Variants in SLC6A8 observed in about 807,000 individuals in gnomAD.
SLC6A8 encodes the protein solute carrier family 6 member 8.
In SLC6A8, 6 loss-of-function variants were observed where a neutral mutation model predicts 48.3. The ratio of observed to expected loss-of-function variants is 0.12; its 90% CI spans 0.07 to 0.25. The LOEUF (loss-of-function observed/expected upper bound fraction) is 0.25, where lower values mean the gene tolerates loss of function less well. Ranked by LOEUF, SLC6A8 falls within the 10% of genes least tolerant of loss-of-function variation. The pLI, the probability that SLC6A8 is intolerant of heterozygous loss-of-function variation, is 1.00. For missense variants in SLC6A8, 260 were observed against 551.5 expected (o/e 0.47, Z 5.29); for synonymous variants, 245 against 244.0 (o/e 1.00, Z -0.04).
chrX:153,696,340 C>A lies in SLC6A8; in HGVS notation c.*1126C>A, dbSNP rs1464187287. The A allele has an allele frequency of 7.3e-5, 24 of 329,416 alleles. No homozygotes were observed. The highest frequency in any genetic ancestry group is 1.2e-4 in the Non-Finnish European group (21 of 169,291). 27.1% of individuals were successfully genotyped at this position (329,416 alleles called of 1,213,427 possible). ...CACCCCCAGGAAGGGACCCTGGACACGGCTCCCACGTCCAGGCTTAAGGTG... is the reference window on the plus strand; with the variant it reads ...CACCCCCAGGAAGGGACCCTGGACAAGGCTCCCACGTCCAGGCTTAAGGTG... On this transcript the variant is annotated 3_prime_UTR_variant, in exon 13 of 13. Coordinates refer to ENST00000253122, the MANE Select transcript of SLC6A8 (RefSeq NM_005629.4).
chrX:153,691,738 G>A (rs2314066), intron 3 of SLC6A8, among the ~76,000 whole-genome samples, 185 bp downstream of exon 3: 5 of 112,957 alleles, frequency 4.4e-5, no homozygotes, highest in South Asian at 3.6e-4. Flanking sequence ...TTCGGCAGCC[G>A]ATCACTGTCC....
chrX:153,690,430 C>A lies in SLC6A8; in HGVS notation c.318C>A (p.Phe106Leu). 1 of 1,197,237 alleles carries A rather than the reference C, an allele frequency of 8.4e-7. No individual in the cohort carries two copies. ...LIALVGGIPIFFLEISLGQFM... is the reference protein window; with the variant it reads ...LIALVGGIPILFLEISLGQFM... Reference sequence around the variant, plus strand: ...CCCTGGTTGGAGGAATCCCCATTTTCTTCTTAGAGATCTCGCTGGGCCAGT... The same window carrying A: ...CCCTGGTTGGAGGAATCCCCATTTTATTCTTAGAGATCTCGCTGGGCCAGT... Residue 106 changes from phenylalanine (F) to leucine (L), a missense_variant, in exon 2 of 13, where the codon TTC becomes TTA. Physicochemically the swap from Phe to Leu is conservative, Grantham distance 22. This residue lies in a region of SLC6A8 where 24 missense variants were observed against 52.0 expected (regional missense o/e 0.46). Transcript: ENST00000253122.
At position 153,691,543 on chromosome X, in the gene SLC6A8, G is replaced by C; in HGVS notation, c.634G>C (p.Glu212Gln). The C allele has an allele frequency of 8.3e-7, 1 of 1,211,561 alleles. No individual in the cohort carries two copies. Among genetic ancestry groups the C allele is most frequent in the Admixed American group, 2.2e-5 (1 of 46,164 alleles). ...QLADRRSPVI[E>Q]FWENKVLRLS... ...TGCTGACCGCCGGTCCCCTGTCATC[G>C]AGTTCTGGGAGTGAGTCCGGCACCT... The change falls in exon 3 of 13, where the codon GAG becomes CAG. Residue 212 changes from glutamate to glutamine, a missense_variant. Around this residue, in one of 7 missense-constraint regions of SLC6A8, gnomAD observed 75 missense variants for 248.8 expected, o/e 0.30. Transcript: ENST00000253122.
In SLC6A8 at chrX:153,696,256, G is replaced by A. The variant is rs367889260; in HGVS notation, c.*1042G>A. 3.7e-4 allele frequency: 109 copies of A among 292,379 alleles called. No homozygotes were observed. The highest frequency in any genetic ancestry group is 2.9e-3 in the East Asian group (28 of 9,816). The allele number at this position is 292,379 out of a possible 1,213,427, so 24.1% of individuals were successfully genotyped here. ...GTGGGGCAAGAGGCTGCAATATTCC[G>A]TCCTGGGTGTCTGGGCTGCTAACCT... On this transcript the variant is annotated 3_prime_UTR_variant, in exon 13 of 13. Transcript: ENST00000253122.
At position 153,695,193 on chromosome X, in the gene SLC6A8, C is replaced by G. The variant is rs1485660118; in HGVS notation, c.1887C>G (p.Val629=). ...CAGTGTCCGAGAGCAGCAAGGTCGT[C>G]GTGGTGGAGAGTGTCATGTGACAAC... is the stretch of plus-strand genomic sequence containing the variant. ...LTPVSESSKV[V]VVESVM Residue 629 remains valine (V), a synonymous_variant, in exon 13 of 13, where the codon GTC becomes GTG. Transcript: ENST00000253122. 1 of 1,185,247 alleles carries G rather than the reference C, an allele frequency of 8.4e-7. No homozygotes were observed. Among genetic ancestry groups the G allele is most frequent in the Non-Finnish European group, 1.1e-6 (1 of 882,121 alleles).
In SLC6A8 at chrX:153,696,116, T is replaced by C. The variant is rs2091490260; in HGVS notation, c.*902T>C. The C allele has an allele frequency of 4.9e-6, 1 of 204,600 alleles. No individual in the cohort carries two copies. Among genetic ancestry groups the C allele is most frequent in the African/African-American group, 3.0e-5 (1 of 33,656 alleles). The allele number at this position is 204,600 out of a possible 1,213,427, so 16.9% of individuals were successfully genotyped here. ...AAAACAAAAGCTTCGAGCTGTTGCG[T>C]GTGTGAGTCTGTTGTGTGGATGTGC... On this transcript the variant is annotated 3_prime_UTR_variant, in exon 13 of 13. Coordinates refer to ENST00000253122, the MANE Select transcript of SLC6A8 (RefSeq NM_005629.4).
chrX:153,688,703 C>T lies in SLC6A8; in HGVS notation c.129C>T (p.Pro43=), dbSNP rs782267694. 8.9e-7 allele frequency: 1 copy of T among 1,125,387 alleles called. No homozygotes were observed. The highest frequency in any genetic ancestry group is 2.7e-5 in the Admixed American group (1 of 37,636). 92.7% of individuals were successfully genotyped at this position (1,125,387 alleles called of 1,213,427 possible). A position where few individuals can be genotyped will look rare whatever the true frequency, so the allele number is the denominator to read the frequency against. Residue 43 remains proline, a synonymous_variant, in exon 1 of 13, where the codon CCC becomes CCT. Transcript: ENST00000253122. ...KGDGPVGLGT[P]GGRLAVPPRE... ...ACGGCCCCGTGGGCCTGGGGACACCCGGCGGCCGCCTGGCCGTGCCGCCGC... is the reference window on the plus strand; with the variant it reads ...ACGGCCCCGTGGGCCTGGGGACACCTGGCGGCCGCCTGGCCGTGCCGCCGC...
chrX:153,690,155 G>C (rs1381348786), intron 1 of SLC6A8, among the ~76,000 whole-genome samples: 3 of 112,928 alleles, frequency 2.7e-5, no homozygotes, highest in Non-Finnish European at 5.6e-5. Context: ...TGCCACCCAG[G>C]GAATAGGGCT....
intron 7 of SLC6A8, 106 bp downstream of exon 7, chrX:153,693,692 CG>C: frequency 1.0e-6 from 1 of 991,125 alleles, no homozygotes; most frequent in Non-Finnish European, 1.4e-6. Flanking sequence ...AGGATTCAAA[CG>C]GAACTTGTCA....
At chrX:153,691,829 G>A in intron 3 of SLC6A8, 146 bp from the exon 4 acceptor site, 2 of 683,035 alleles carry the variant, frequency 2.9e-6, no homozygotes, top group South Asian at 2.7e-5. Flanking sequence ...AGGGGATCGT[G>A]GGCTCCAGGC....
intron 4 of SLC6A8, chrX:153,692,394 C>T: frequency 5.0e-6 from 2 of 402,294 alleles, no homozygotes; most frequent in Non-Finnish European, 9.4e-6. Flanking sequence ...TGGACCTGGT[C>T]TGGCCATCTG....
intron 7 of SLC6A8, 93 bp downstream of exon 7, chrX:153,693,679 A>G: frequency 9.7e-7 from 1 of 1,029,597 alleles, no homozygotes; most frequent in Non-Finnish European, 1.4e-6. Context: ...CTGAAAAGTG[A>G]CGAGGATTCA....
Position 153,696,243 on chromosome X carries a change from G to A in SLC6A8, c.*1029G>A, listed in dbSNP as rs1436985991. The A allele has an allele frequency of 1.1e-5, 3 of 282,510 alleles. No homozygotes were observed. The highest frequency in any genetic ancestry group is 6.5e-5 in the South Asian group (2 of 30,792). 23.3% of individuals were successfully genotyped at this position (282,510 alleles called of 1,213,427 possible). A position where few individuals can be genotyped will look rare whatever the true frequency, so the allele number is the denominator to read the frequency against. On this transcript the variant is annotated 3_prime_UTR_variant, in exon 13 of 13. Coordinates refer to ENST00000253122, the MANE Select transcript of SLC6A8 (RefSeq NM_005629.4). ...TTGCCACAAGTCTGTGGGGCAAGAG[G>A]CTGCAATATTCCGTCCTGGGTGTCT...
At chrX:153,691,762 C>A (rs1373994415) in intron 3 of SLC6A8, among the ~76,000 whole-genome samples, 1 of 113,029 alleles carries the variant, frequency 8.8e-6, no homozygotes, top group African/African-American at 3.2e-5. Flanking sequence ...TCACTCCCCC[C>A]TGATGGGGGA....
chrX:153,695,308 A>G lies in SLC6A8; in HGVS notation c.*94A>G. 2 of 956,492 alleles carry G rather than the reference A, an allele frequency of 2.1e-6. No individual in the cohort carries two copies. The highest frequency in any genetic ancestry group is 2.1e-5 in the South Asian group (1 of 48,259). The allele number at this position is 956,492 out of a possible 1,213,427, so 78.8% of individuals were successfully genotyped here. ...CCTCCAGGGGGCCTGCCTTTCCCTG[A>G]CACTTTTGGGGTCTGCCTGGGGGAG... On this transcript the variant is annotated 3_prime_UTR_variant, in exon 13 of 13. Coordinates refer to ENST00000253122, the MANE Select transcript of SLC6A8 (RefSeq NM_005629.4).
Position 153,693,194 on chromosome X carries a change from GGCT to G in SLC6A8, c.912+22_912+24del. On this transcript the variant is annotated intron_variant, in intron 5 of 12. Coordinates refer to ENST00000253122, the MANE Select transcript of SLC6A8 (RefSeq NM_005629.4). ...CCCTCAGGTGAGGTGGAGGTGGAGAGGCTGCAGCAGGGCGCTGCGGGGGAGCCC... is the reference window on the plus strand; with the variant it reads ...CCCTCAGGTGAGGTGGAGGTGGAGAGGCAGCAGGGCGCTGCGGGGGAGCCC... 1 of 1,210,930 alleles carries G rather than the reference GGCT, an allele frequency of 8.3e-7. No individual in the cohort carries two copies. Among genetic ancestry groups the G allele is most frequent in the Non-Finnish European group, 1.1e-6 (1 of 894,788 alleles).
At chrX:153,693,853 G>C (rs782442642) in intron 7 of SLC6A8, 52 bp from the exon 8 acceptor site, 1 of 989,104 alleles carries the variant, frequency 1.0e-6, no homozygotes, top group East Asian at 3.3e-5. Flanking sequence ...CTCAGGGTGC[G>C]CACAGGGCAG....
At chrX:153,690,915 T>C (rs868946289) in intron 2 of SLC6A8, 192 of 186,518 alleles carry the variant, frequency 1.0e-3, no homozygotes, top group African/African-American at 6.6e-3. Context: ...ACCACCACCA[T>C]CAACACCAGC....
intron 7 of SLC6A8, 82 bp from the exon 8 acceptor site, chrX:153,693,823 C>G (rs782292659): frequency 1.1e-6 from 1 of 883,987 alleles, no homozygotes; most frequent in South Asian, 2.1e-5. Context: ...TGGGCATGGG[C>G]GCGAGTGTTG....
Sources: allele counts gnomAD v4.1 joint callset (sites outside exome capture counted in the v4.1 genomes callset), GRCh38; gene constraint gnomAD v4.1.1; regional missense constraint gnomAD v4.1.1; transcripts MANE v1.5; gene names NCBI Gene and HGNC (gene_info 2026-07-23, HGNC 2026-07-21).